FRMD4B: variants seen among roughly 807,000 people sequenced by gnomAD.
FRMD4B encodes FERM domain-containing protein 4B.
Under a neutral mutation model 141.5 loss-of-function variants are expected in FRMD4B, and 74 were observed. That is an observed-to-expected ratio of 0.52 (90% confidence interval 0.43 to 0.63). The LOEUF (loss-of-function observed/expected upper bound fraction) is 0.63. FRMD4B is among the 30% of genes least tolerant of loss of function. FRMD4B has a pLI of 0.00. For missense variants in FRMD4B, 1,366 were observed against 1,253.4 expected, an observed-to-expected ratio of 1.09 and a Z score of -1.36; for synonymous variants, 506 against 467.9, an observed-to-expected ratio of 1.08 and a Z score of -1.05.
At chr3:69,522,830 T>C (rs1038070808) in intron 1 of FRMD4B, among the ~76,000 whole-genome samples, 9 of 152,156 alleles carry the variant, frequency 5.9e-5, no homozygotes, top group Non-Finnish European at 8.8e-5. Flanking sequence ...TTACAGACTT[T>C]GACCCTGGAT....
rs1445528190 is a variant in FRMD4B, at chr3:69,175,200, G to A, written c.2984+1324C>T. On this transcript the variant is annotated intron_variant, in intron 22 of 22. Coordinates refer to ENST00000398540, the MANE Select transcript of FRMD4B (RefSeq NM_015123.3). ...TATAAGTTGTAGTCTGTATAACTTA[G>A]TATGTAGTCTGTGTCTGAAGCACTA... Among the ~76,000 whole-genome samples the A allele has an allele frequency of 2.0e-5, 3 of 152,130 alleles. No individual in the cohort carries two copies. The East Asian group carries it at 5.8e-4, about 29-fold the overall frequency.
intron 11 of FRMD4B, among the ~76,000 whole-genome samples, chr3:69,208,759 A>G (rs1250458434): frequency 6.6e-6 from 1 of 152,166 alleles, no homozygotes; most frequent in East Asian, 1.9e-4. Flanking sequence ...CTCACCAACC[A>G]TCCCTCCAAA....
At chr3:69,530,506 G>C (rs948360250) in intron 1 of FRMD4B, among the ~76,000 whole-genome samples, 12 of 151,418 alleles carry the variant, frequency 7.9e-5, no homozygotes, top group Admixed American at 6.6e-5. Flanking sequence ...ACCAGATGCA[G>C]CCCAATCTTG....
At chr3:69,512,196 G>A (rs1373808171) in intron 1 of FRMD4B, among the ~76,000 whole-genome samples, 1 of 152,138 alleles carries the variant, frequency 6.6e-6, no homozygotes, top group African/African-American at 2.4e-5. Context: ...CCATAGTGAG[G>A]CACTGCACGG....
chr3:69,273,056 T>C (rs777923839), intron 5 of FRMD4B, among the ~76,000 whole-genome samples: 9 of 152,218 alleles, frequency 5.9e-5, no homozygotes, highest in Non-Finnish European at 1.0e-4. Flanking sequence ...TCTTTGGTGC[T>C]GCCTACATGG....
intron 2 of FRMD4B, among the ~76,000 whole-genome samples, chr3:69,425,442 C>T (rs751443398): frequency 7.9e-5 from 12 of 152,188 alleles, no homozygotes; most frequent in Non-Finnish European, 1.5e-4. Flanking sequence ...TCACACAGCA[C>T]ACCCTACTGC....
intron 1 of FRMD4B, among the ~76,000 whole-genome samples, chr3:69,467,922 A>G (rs1705821627): frequency 1.3e-5 from 2 of 152,238 alleles, no homozygotes; most frequent in Admixed American, 1.3e-4. Context: ...CAATGTGGAA[A>G]AACGCAGAGC....
intron 1 of FRMD4B, among the ~76,000 whole-genome samples, chr3:69,319,816 A>C (rs1018785447): frequency 6.6e-6 from 1 of 152,258 alleles, no homozygotes; most frequent in African/African-American, 2.4e-5. Flanking sequence ...TTAGCAATAC[A>C]GATGGTACTA....
chr3:69,401,310 C>T lies in FRMD4B; in HGVS notation c.-1+31324G>A, dbSNP rs373151832. 4.6e-5 allele frequency among the ~76,000 whole-genome samples: 7 copies of T among 152,236 alleles called. No homozygotes were observed. In the East Asian group the frequency reaches 7.7e-4, roughly 17 times the overall value. On this transcript the variant is annotated intron_variant, in intron 2 of 5. Coordinates refer to the FRMD4B transcript ENST00000459638. Reference sequence around the variant, plus strand: ...TTCCATCCAAGTAAACTACACGGGACAGAGGAGGGATATCAGGGGCTTGGG... The same window carrying T: ...TTCCATCCAAGTAAACTACACGGGATAGAGGAGGGATATCAGGGGCTTGGG...
intron 1 of FRMD4B, among the ~76,000 whole-genome samples, chr3:69,513,110 GA>G (rs1222875892): frequency 1.3e-5 from 2 of 151,762 alleles, no homozygotes; most frequent in African/African-American, 4.8e-5. Context: ...TATAGAAAAA[GA>G]GTCAATGAAA....
Position 69,169,768 on chromosome 3 carries a change from AT to A in FRMD4B, c.*2092del, listed in dbSNP as rs1390320408. 1.1e-4 allele frequency among the ~76,000 whole-genome samples: 17 copies of A among 152,270 alleles called. No individual in the cohort carries two copies. Among genetic ancestry groups the A allele is most frequent in the Non-Finnish European group, 2.2e-4 (15 of 68,014 alleles). ...ACTATTTCAGGAACAGAAAAATGTT[AT>A]TTTATGCAAGATACATGTATGGAAA... On this transcript the variant is annotated 3_prime_UTR_variant, in exon 23 of 23. Transcript: ENST00000398540.
intron 1 of FRMD4B, among the ~76,000 whole-genome samples, chr3:69,455,359 G>C (rs1001644270): frequency 6.6e-6 from 1 of 152,224 alleles, no homozygotes; most frequent in Non-Finnish European, 1.5e-5. Context: ...ATTTGGGTCT[G>C]CACTGCCTTT....
intron 1 of FRMD4B, among the ~76,000 whole-genome samples, chr3:69,472,925 C>CTTTTTTTTTTTTTTTTTTTTTTTTTTTTT (rs796453101): frequency 2.2e-5 from 2 of 90,916 alleles, no homozygotes; most frequent in East Asian, 3.1e-4. Context: ...GTGAGTCTTT[C>CTTTTTTTTTTTTTTTTTTTTTTTTTTTTT]TTTTTTTTTT....
At chr3:69,322,485 C>T (rs2107287224) in intron 1 of FRMD4B, among the ~76,000 whole-genome samples, 1 of 152,238 alleles carries the variant, frequency 6.6e-6, no homozygotes, top group South Asian at 2.1e-4. Context: ...TTCTAGCAAA[C>T]ACTTACTACA....
chr3:69,216,796 A>C (rs1449599877), intron 10 of FRMD4B, among the ~76,000 whole-genome samples: 1 of 152,076 alleles, frequency 6.6e-6, no homozygotes, highest in Non-Finnish European at 1.5e-5. Context: ...ACATTTAAAA[A>C]CCTAACTTGT....
At chr3:69,242,859 TG>T (rs948624018) in intron 7 of FRMD4B, among the ~76,000 whole-genome samples, 23 of 151,634 alleles carry the variant, frequency 1.5e-4, no homozygotes, top group African/African-American at 5.6e-4. Context: ...CCGGGCGTGG[TG>T]GTGGGCACAT....
In FRMD4B at chr3:69,231,197, T is replaced by C. The variant is rs368236783; in HGVS notation, c.582-6507A>G. ...GCCCATGAGGAAAGAGGGAATTTTATTGGAGGTAGGAAAGTACAATATACA... is the reference window on the plus strand; with the variant it reads ...GCCCATGAGGAAAGAGGGAATTTTACTGGAGGTAGGAAAGTACAATATACA... On this transcript the variant is annotated intron_variant, in intron 7 of 22. Transcript: ENST00000398540. 4.6e-5 allele frequency among the ~76,000 whole-genome samples: 7 copies of C among 152,338 alleles called. 1 individual carries two copies. Among genetic ancestry groups the C allele is most frequent in the South Asian group, 2.1e-4 (1 of 4,824 alleles).
rs1701192836 is a variant in FRMD4B at position 69,541,993 on chromosome 3, C to A, written c.-129+213G>T. Among the ~76,000 whole-genome samples the A allele has an allele frequency of 2.0e-5, 3 of 152,212 alleles. No individual in the cohort carries two copies. In the East Asian group the frequency reaches 5.9e-4, roughly 30 times the overall value. On this transcript the variant is annotated intron_variant, in intron 1 of 5. Transcript: ENST00000459638. ...CCACCAAAGCGACCAAAGCGCCGTG[C>A]CAAGTGCCCCAGGGACTCCAGCGGA...
intron 5 of FRMD4B, among the ~76,000 whole-genome samples, chr3:69,252,728 G>C (rs933668291): frequency 6.6e-6 from 1 of 152,170 alleles, no homozygotes; most frequent in Admixed American, 6.5e-5. Context: ...TTTTGGAAGT[G>C]CCGTCTGCCC....
Sources: gnomAD v4.1 joint callset for allele counts (sites outside exome capture counted in the v4.1 genomes callset) on GRCh38, gnomAD v4.1.1 for gene constraint, MANE v1.5 for transcripts, NCBI Gene and HGNC (gene_info 2026-07-23, HGNC 2026-07-21) for gene names.